The following KAZN variants were observed in gnomAD, a reference collection of about 807,000 sequenced individuals.
KAZN encodes the protein kazrin.
A neutral mutation model predicts 87.4 loss-of-function variants in KAZN; 40 were observed. The ratio of observed to expected loss-of-function variants is 0.46; its 90% CI spans 0.36 to 0.60. KAZN has a LOEUF of 0.60. KAZN is among the 20% of genes least tolerant of loss of function. The pLI is 0.00. For missense variants in KAZN, 898 were observed against 1,073.9 expected, an observed-to-expected ratio of 0.84 and a Z score of 2.29; for synonymous variants, 466 against 458.3, an observed-to-expected ratio of 1.02 and a Z score of -0.22.
At chr1:15,072,840 T>G (rs1041457228) in intron 8 of KAZN, among the ~76,000 whole-genome samples, 5 of 152,122 alleles carry the variant, frequency 3.3e-5, no homozygotes, top group African/African-American at 1.2e-4. Context: ...AAGCCCCCTC[T>G]CAGGGCCTGC....
intron 1 of KAZN, among the ~76,000 whole-genome samples, chr1:14,114,294 G>T (rs1398038683): frequency 6.6e-6 from 1 of 152,134 alleles, no homozygotes; most frequent in Non-Finnish European, 1.5e-5. Flanking sequence ...GCCGGCATTG[G>T]GGGGATCAGT....
intron 1 of KAZN, among the ~76,000 whole-genome samples, chr1:13,997,261 T>C (rs1639569209): frequency 6.6e-6 from 1 of 151,914 alleles, no homozygotes; most frequent in Non-Finnish European, 1.5e-5. Context: ...CTCACGAAGA[T>C]GAGAAAGAAT....
At chr1:14,812,913 C>G (rs2100792328) in intron 1 of KAZN, among the ~76,000 whole-genome samples, 1 of 152,288 alleles carries the variant, frequency 6.6e-6, no homozygotes, top group South Asian at 2.1e-4. Flanking sequence ...AACTCATAGC[C>G]TTAAGAAATT....
chr1:15,101,973 G>A (rs59212826), intron 11 of KAZN, among the ~76,000 whole-genome samples, 199 bp downstream of exon 11: 3,015 of 152,246 alleles, frequency 0.02, 105 homozygotes, highest in African/African-American at 0.069. Flanking sequence ...CAGCCAGCCA[G>A]TCAGCCAGCC....
At chr1:14,814,332 TTC>T (rs745796628) in intron 1 of KAZN, among the ~76,000 whole-genome samples, 13 of 152,172 alleles carry the variant, frequency 8.5e-5, no homozygotes, top group Non-Finnish European at 1.8e-4. Context: ...GTTCAAGTGA[TTC>T]TCCTGCCTCA....
At position 14,707,754 on chromosome 1, in the gene KAZN, C is replaced by T. The variant is rs553999636; in HGVS notation, c.226+108531C>T. On this transcript the variant is annotated intron_variant, in intron 1 of 14. Coordinates refer to ENST00000376030, the MANE Select transcript of KAZN (RefSeq NM_201628.3). ...CCATATGTTTCTGACTCATTTACGC[C>T]GAAGTCATCAAACAACACTTGGAGT... 8.7e-4 allele frequency among the ~76,000 whole-genome samples: 132 copies of T among 152,174 alleles called. 1 individual carries two copies. The highest frequency in any genetic ancestry group is 2.9e-3 in the African/African-American group (122 of 41,528).
intron 2 of KAZN, among the ~76,000 whole-genome samples, chr1:14,572,468 T>C (rs1387751329): frequency 3.9e-5 from 6 of 152,164 alleles, no homozygotes; most frequent in African/African-American, 1.4e-4. Flanking sequence ...CCAGTCTCCC[T>C]GGAGGAGACC....
intron 3 of KAZN, among the ~76,000 whole-genome samples, chr1:15,038,897 ATAT>A: frequency 1.1e-5 from 1 of 88,324 alleles, no homozygotes; most frequent in South Asian, 2.7e-4. Context: ...CATGAATGTG[ATAT>A]TACCAGTAGC....
At chr1:14,767,761 G>A (rs1318037802) in intron 1 of KAZN, among the ~76,000 whole-genome samples, 2 of 152,184 alleles carry the variant, frequency 1.3e-5, no homozygotes, top group African/African-American at 4.8e-5. Context: ...GGGCTCAGTG[G>A]AGACTGGATG....
chr1:14,372,438 A>G (rs1273178890), intron 2 of KAZN, among the ~76,000 whole-genome samples: 3 of 152,228 alleles, frequency 2.0e-5, no homozygotes, highest in Non-Finnish European at 2.9e-5. Context: ...TTTGGGCCAG[A>G]TAATTCTCTG....
chr1:14,944,813 GT>G (rs1240188962), intron 1 of KAZN, among the ~76,000 whole-genome samples: 1 of 152,250 alleles, frequency 6.6e-6, no homozygotes, highest in Non-Finnish European at 1.5e-5. Flanking sequence ...TCAGCACTTT[GT>G]CAATATCAGC....
chr1:14,266,136 A>G (rs1478163314), intron 2 of KAZN, among the ~76,000 whole-genome samples: 1 of 152,202 alleles, frequency 6.6e-6, no homozygotes, highest in East Asian at 1.9e-4. Context: ...AGGCAGATGG[A>G]GAGAGGGATA....
At chr1:14,878,728 C>T (rs928890444) in intron 1 of KAZN, among the ~76,000 whole-genome samples, 5 of 152,200 alleles carry the variant, frequency 3.3e-5, no homozygotes, top group East Asian at 1.9e-4. Context: ...CCACCTTTTG[C>T]GGCCTCTTGT....
At chr1:14,620,679 C>T (rs1678625767) in intron 1 of KAZN, among the ~76,000 whole-genome samples, 1 of 152,176 alleles carries the variant, frequency 6.6e-6, no homozygotes, top group Admixed American at 6.5e-5. Context: ...GGGCAAGAGG[C>T]CTTCTCAAGT....
chr1:15,104,011 C>G lies in KAZN; in HGVS notation c.1882-12C>G, dbSNP rs372360281. On this transcript the variant is annotated splice_polypyrimidine_tract_variant and intron_variant, in intron 12 of 14. Transcript: ENST00000376030. The stretch of plus-strand genomic sequence containing the variant: ...CCCTGCAGGCTAACAAGTCCCCTGC[C>G]TTTGCCCCCAGGAGTACGCAGACAA... The G allele has an allele frequency of 6.2e-7, 1 of 1,611,528 alleles. No homozygotes were observed. The highest frequency in any genetic ancestry group is 1.3e-5 in the African/African-American group (1 of 74,922).
At chr1:14,439,641 A>G (rs562401495) in intron 2 of KAZN, among the ~76,000 whole-genome samples, 4 of 152,358 alleles carry the variant, frequency 2.6e-5, no homozygotes, top group Admixed American at 6.5e-5. Flanking sequence ...TCATGTGACT[A>G]AGGAACTACA....
At chr1:14,911,370 C>T (rs533845044) in intron 1 of KAZN, among the ~76,000 whole-genome samples, 4 of 152,332 alleles carry the variant, frequency 2.6e-5, no homozygotes, top group East Asian at 1.9e-4. Context: ...CTTGAAAGAG[C>T]GAGCACTTCC....
intron 1 of KAZN, among the ~76,000 whole-genome samples, chr1:14,761,900 T>G (rs1344819905): frequency 2.6e-5 from 4 of 151,912 alleles, no homozygotes; most frequent in African/African-American, 9.7e-5. Flanking sequence ...CTTTTTTTTT[T>G]TTTTTTTCTA....
Position 15,081,373 on chromosome 1 carries a change from G to A in KAZN, c.1223-12807G>A, listed in dbSNP as rs758578698. Among the ~76,000 whole-genome samples the A allele has an allele frequency of 1.8e-4, 28 of 152,190 alleles. No individual in the cohort carries two copies. The highest frequency in any genetic ancestry group is 1.9e-4 in the East Asian group (1 of 5,194). ...TGTACCTCTGGAAAATATAAGAGCCGGTTGTTAAACGTGGTTGGGCCCTTG... is the reference window on the plus strand; with the variant it reads ...TGTACCTCTGGAAAATATAAGAGCCAGTTGTTAAACGTGGTTGGGCCCTTG... On this transcript the variant is annotated intron_variant, in intron 8 of 14. Transcript: ENST00000376030. This position sits in a 1 kb window ranked among gnomAD's most constrained non-coding sequence, Gnocchi z 4.1.
Sources: gnomAD v4.1 joint callset for allele counts (sites outside exome capture counted in the v4.1 genomes callset) on GRCh38, gnomAD v4.1.1 for gene constraint, Gnocchi (gnomAD v3.1) non-coding constraint, MANE v1.5 for transcripts, NCBI Gene and HGNC (gene_info 2026-07-23, HGNC 2026-07-21) for gene names.